Variants in C19orf12 observed in about 807,000 individuals in gnomAD.
The protein encoded by C19orf12 is protein C19orf12.
Under a neutral mutation model 3.8 loss-of-function variants are expected in C19orf12, and 2 were observed. The observed-to-expected ratio is 0.53, with a 90% CI of 0.22 to 1.66. C19orf12 has a LOEUF of 1.66. Ranked by LOEUF, C19orf12 falls within the 40% of genes most tolerant of loss-of-function variation. C19orf12 has a pLI of 0.20. For missense variants in C19orf12, 156 were observed against 188.8 expected, an observed-to-expected ratio of 0.83 and a Z score of 1.02; for synonymous variants, 89 against 84.6, an observed-to-expected ratio of 1.05 and a Z score of -0.28.
At position 29,701,420 on chromosome 19, in the gene C19orf12, A is replaced by G. The variant is rs1349574853; in HGVS notation, c.*1292T>C. On this transcript the variant is annotated 3_prime_UTR_variant, in exon 3 of 3. Coordinates refer to ENST00000323670, the MANE Select transcript of C19orf12 (RefSeq NM_031448.6). The stretch of plus-strand genomic sequence containing the variant: ...TTTCTTATAATACCAAATACAATAT[A>G]AATGCTATGTAAATATGCTACACCA... 4.4e-6 allele frequency: 2 copies of G among 454,154 alleles called. No individual in the cohort carries two copies. 28.1% of individuals were successfully genotyped at this position (454,154 alleles called of 1,614,324 possible).
chr19:29,699,864 T>G lies in C19orf12; in HGVS notation c.*2848A>C, dbSNP rs1415089998. 1 of 453,642 alleles carries G rather than the reference T, an allele frequency of 2.2e-6. No individual in the cohort carries two copies. The highest frequency in any genetic ancestry group is 2.4e-5 in the Admixed American group (1 of 42,434). The allele number at this position is 453,642 out of a possible 1,614,324, so 28.1% of individuals were successfully genotyped here. A position where few individuals can be genotyped will look rare whatever the true frequency, so the allele number is the denominator to read the frequency against. ...TTTCTACAAAGAAGATACAGATATATAAATACTAAAACCACAGGAGCTGAG... is the reference window on the plus strand; with the variant it reads ...TTTCTACAAAGAAGATACAGATATAGAAATACTAAAACCACAGGAGCTGAG... On this transcript the variant is annotated 3_prime_UTR_variant, in exon 3 of 3. Transcript: ENST00000323670.
At chr19:29,713,769 C>T (rs573527397) in intron 1 of C19orf12, among the ~76,000 whole-genome samples, 10 of 152,264 alleles carry the variant, frequency 6.6e-5, no homozygotes, top group African/African-American at 2.4e-4. Flanking sequence ...CACATTGGAC[C>T]TGCCATTCTG....
chr19:29,715,494 C>T (rs964139898), upstream of C19orf12: 4 of 341,998 alleles, frequency 1.2e-5, no homozygotes, highest in Non-Finnish European at 2.4e-5. Flanking sequence ...ACCGCAAGGC[C>T]GCGCTCCCGC....
chr19:29,703,973 G>GAGCAAGA (rs1013467087), intron 2 of C19orf12, among the ~76,000 whole-genome samples: 1 of 151,974 alleles, frequency 6.6e-6, no homozygotes, highest in African/African-American at 2.4e-5. Context: ...CTGGGTGACA[G>GAGCAAGA]AGCAAGACTC....
intron 1 of C19orf12, chr19:29,714,831 C>A: frequency 1.6e-6 from 1 of 622,610 alleles, no homozygotes; most frequent in Non-Finnish European, 2.9e-6. Flanking sequence ...CCCCCACCCA[C>A]CACACCCATG....
intron 2 of C19orf12, among the ~76,000 whole-genome samples, chr19:29,706,191 G>A (rs1297327203): frequency 6.6e-6 from 1 of 152,198 alleles, no homozygotes; most frequent in Non-Finnish European, 1.5e-5. Context: ...GGGAAAACCA[G>A]CTAATTTACA....
intron 2 of C19orf12, among the ~76,000 whole-genome samples, chr19:29,706,941 TCAGGACA>T (rs1162647768): frequency 2.6e-5 from 4 of 152,204 alleles, no homozygotes; most frequent in Non-Finnish European, 5.9e-5. Flanking sequence ...CTTCTGAGGC[TCAGGACA>T]CAGGAATTCT....
rs60814860 is a variant in C19orf12, at chr19:29,699,482, C to CA, written c.*3229dup. On this transcript the variant is annotated 3_prime_UTR_variant, in exon 3 of 3. Coordinates refer to ENST00000323670, the MANE Select transcript of C19orf12 (RefSeq NM_031448.6). ...CGGGCGACAGTGCGAGACTCCATCT[C>CA]AAAAAAAAAAAAAAGAAAAAAAGAA... The CA allele has an allele frequency of 4.7e-3, 1,813 of 382,340 alleles. No homozygotes were observed. Among genetic ancestry groups the CA allele is most frequent in the East Asian group, 0.015 (189 of 12,978 alleles). 23.7% of individuals were successfully genotyped at this position (382,340 alleles called of 1,614,324 possible).
intron 2 of C19orf12, among the ~76,000 whole-genome samples, chr19:29,707,336 G>A (rs550433766): frequency 6.6e-6 from 1 of 152,304 alleles, no homozygotes; most frequent in African/African-American, 2.4e-5. Flanking sequence ...CAGTGTGGGC[G>A]ACAGAATGAG....
At chr19:29,708,483 T>C in intron 1 of C19orf12, 60 bp from the exon 2 acceptor site, 1 of 1,595,416 alleles carries the variant, frequency 6.3e-7, no homozygotes, top group South Asian at 1.1e-5. Context: ...TCCATCACAA[T>C]GCCACTCTAG....
Position 29,701,579 on chromosome 19 carries a change from T to C in C19orf12, c.*1133A>G. The stretch of plus-strand genomic sequence containing the variant: ...GAGACCACAGTTACGGAGAGCTGAC[T>C]GTACTGGGGAAATCTTTAGGGTAGA... On this transcript the variant is annotated 3_prime_UTR_variant, in exon 3 of 3. Transcript: ENST00000323670. 4.4e-6 allele frequency: 2 copies of C among 454,126 alleles called. No homozygotes were observed. The highest frequency in any genetic ancestry group is 8.8e-6 in the Non-Finnish European group (2 of 226,798). The allele number at this position is 454,126 out of a possible 1,614,324, so 28.1% of individuals were successfully genotyped here.
chr19:29,706,940 C>T (rs567618302), intron 2 of C19orf12, among the ~76,000 whole-genome samples: 1 of 152,366 alleles, frequency 6.6e-6, no homozygotes, highest in African/African-American at 2.4e-5. Context: ...CCTTCTGAGG[C>T]TCAGGACACA....
intron 2 of C19orf12, among the ~76,000 whole-genome samples, chr19:29,707,658 C>T (rs1378862996): frequency 6.6e-6 from 1 of 152,158 alleles, no homozygotes; most frequent in African/African-American, 2.4e-5. Flanking sequence ...GGGAAAGATG[C>T]CTCTAGGCCC....
Position 29,708,603 on chromosome 19 carries a change from G to A in C19orf12, c.-10-180C>T, listed in dbSNP as rs1049409076. On this transcript the variant is annotated intron_variant, in intron 1 of 2. Transcript: ENST00000323670. ...TGGAAAGTTCCCACAGACAGGACAG[G>A]CAGCAGTTAGTGAATAAGCAAATAG... 4.9e-5 allele frequency: 35 copies of A among 720,820 alleles called. No homozygotes were observed. The Admixed American group carries it at 7.4e-4, about 15-fold the overall frequency. The allele number at this position is 720,820 out of a possible 1,614,324, so 44.7% of individuals were successfully genotyped here. A position where few individuals can be genotyped will look rare whatever the true frequency, so the allele number is the denominator to read the frequency against.
intron 2 of C19orf12, among the ~76,000 whole-genome samples, chr19:29,703,489 T>C (rs1972225376): frequency 6.7e-6 from 1 of 149,800 alleles, no homozygotes; most frequent in Non-Finnish European, 1.5e-5. Context: ...CAAGCGATTC[T>C]CCCACCTCAG....
At chr19:29,713,979 TC>T (rs1380464275) in intron 1 of C19orf12, among the ~76,000 whole-genome samples, 3 of 151,782 alleles carry the variant, frequency 2.0e-5, no homozygotes, top group African/African-American at 4.9e-5. Context: ...TCCTTCCTTT[TC>T]TCTTTCTCTT....
Position 29,701,176 on chromosome 19 carries a change from A to T in C19orf12, c.*1536T>A, listed in dbSNP as rs182215624. The T allele has an allele frequency of 2.2e-6, 1 of 454,040 alleles. No individual in the cohort carries two copies. The highest frequency in any genetic ancestry group is 2.3e-5 in the Admixed American group (1 of 42,558). 28.1% of individuals were successfully genotyped at this position (454,040 alleles called of 1,614,324 possible). On this transcript the variant is annotated 3_prime_UTR_variant, in exon 3 of 3. Coordinates refer to ENST00000323670, the MANE Select transcript of C19orf12 (RefSeq NM_031448.6). Reference sequence around the variant, plus strand: ...TGGGAAAATGGCTTTTTAGAAAAACATTTATTGTAATCGATCACATTCAAG... The same window carrying T: ...TGGGAAAATGGCTTTTTAGAAAAACTTTTATTGTAATCGATCACATTCAAG...
rs1351986114 is a variant in C19orf12 at position 29,702,722 on chromosome 19, T to C, written c.416A>G (p.Tyr139Cys). The change falls in exon 3 of 3, where the codon TAT (tyrosine) becomes TGT (cysteine). Residue 139 changes from tyrosine to cysteine, a missense_variant. Physicochemically the swap from Tyr to Cys is radical, Grantham distance 194. Coordinates refer to ENST00000323670, the MANE Select transcript of C19orf12 (RefSeq NM_031448.6). ...CCCCGGAGGTGCGGCCTAGTCATCATACTGGATCTCGGCCCGCAGCTCCTT... is the reference window on the plus strand; with the variant it reads ...CCCCGGAGGTGCGGCCTAGTCATCACACTGGATCTCGGCCCGCAGCTCCTT... ...VTKELRAEIQ[Y>C]DD 10 of 1,613,796 alleles carry C rather than the reference T, an allele frequency of 6.2e-6. No individual in the cohort carries two copies. Among genetic ancestry groups the C allele is most frequent in the South Asian group, 3.3e-5 (3 of 91,070 alleles).
At chr19:29,714,716 TACCCCACCCCTACCCATCACATTCCGC>T (rs1430684577) in intron 1 of C19orf12, among the ~76,000 whole-genome samples, 1 of 13,464 alleles carries the variant, frequency 7.4e-5, no homozygotes, top group Admixed American at 9.3e-4. Flanking sequence ...ACCCCCACTC[TACCCCACCCCTACCCATCACATTCCGC>T]ACCCCACCCC....
Sources: gnomAD v4.1 joint callset for allele counts (sites outside exome capture counted in the v4.1 genomes callset) on GRCh38, gnomAD v4.1.1 for gene constraint, MANE v1.5 for transcripts, NCBI Gene and HGNC (gene_info 2026-07-23, HGNC 2026-07-21) for gene names.